SUPT3H: variants seen among roughly 807,000 people sequenced by gnomAD.
SUPT3H encodes SPT3 homolog, SAGA and STAGA complex component.
A neutral mutation model predicts 44.3 loss-of-function variants in SUPT3H; 44 were observed. The observed-to-expected ratio is 0.99, with a 90% CI of 0.78 to 1.28. The LOEUF (loss-of-function observed/expected upper bound fraction) is 1.28, where lower values mean the gene tolerates loss of function less well. Among genes scored for constraint, SUPT3H ranks in the 50% most tolerant of loss-of-function variants. SUPT3H has a pLI of 0.00. For missense variants in SUPT3H, 380 were observed against 387.1 expected, an observed-to-expected ratio of 0.98 and a Z score of 0.15; for synonymous variants, 124 against 125.6, an observed-to-expected ratio of 0.99 and a Z score of 0.09.
chr6:45,163,080 G>T (rs1809295028), intron 2 of SUPT3H, among the ~76,000 whole-genome samples: 1 of 152,130 alleles, frequency 6.6e-6, no homozygotes, highest in East Asian at 1.9e-4. Context: ...GAGAAGTGGG[G>T]AGATTACATA....
chr6:45,249,112 T>A (rs1356005652), intron 2 of SUPT3H, among the ~76,000 whole-genome samples: 1 of 152,020 alleles, frequency 6.6e-6, no homozygotes, highest in Non-Finnish European at 1.5e-5. Flanking sequence ...AAAAAAGGAG[T>A]TGAAGAATAG....
chr6:44,909,493 A>G (rs1230903346), intron 10 of SUPT3H, among the ~76,000 whole-genome samples: 1 of 152,182 alleles, frequency 6.6e-6, no homozygotes, highest in African/African-American at 2.4e-5. Flanking sequence ...TACATCTTTA[A>G]GCTCACACTT....
At chr6:44,990,060 A>G (rs971848477) in intron 6 of SUPT3H, among the ~76,000 whole-genome samples, 1 of 152,144 alleles carries the variant, frequency 6.6e-6, no homozygotes, top group Non-Finnish European at 1.5e-5. Context: ...TGATATCCAA[A>G]AAATCTTACC....
chr6:45,361,198 A>AT (rs1794195769), intron 2 of SUPT3H, among the ~76,000 whole-genome samples: 1 of 152,138 alleles, frequency 6.6e-6, no homozygotes, highest in African/African-American at 2.4e-5. Context: ...TCTGATTAAA[A>AT]TTTTTTTAAT....
At chr6:45,140,266 C>T (rs1459744080) in intron 2 of SUPT3H, among the ~76,000 whole-genome samples, 1 of 152,142 alleles carries the variant, frequency 6.6e-6, no homozygotes, top group Non-Finnish European at 1.5e-5. Context: ...ACGCCCCTAC[C>T]TGATGGTATT....
intron 2 of SUPT3H, among the ~76,000 whole-genome samples, chr6:45,360,525 A>C (rs1308323117): frequency 6.6e-6 from 1 of 152,180 alleles, no homozygotes; most frequent in African/African-American, 2.4e-5. Context: ...AAATTCAGAG[A>C]CTATACATAT....
intron 2 of SUPT3H, among the ~76,000 whole-genome samples, chr6:45,334,651 C>A (rs1054667460): frequency 6.6e-6 from 1 of 150,958 alleles, no homozygotes; most frequent in Non-Finnish European, 1.5e-5. Context: ...ACTTAAATTT[C>A]TTCTGGCTAT....
rs62438864 is a variant in SUPT3H, at chr6:45,074,050, G to C, written c.186+31872C>G. The stretch of plus-strand genomic sequence containing the variant: ...CAGAAAAGCAATTAAATTAAAGGAG[G>C]AAAGAGAATAAAAATGTTAACTCTA... On this transcript the variant is annotated intron_variant, in intron 3 of 10. Coordinates refer to ENST00000371459, the MANE Select transcript of SUPT3H (RefSeq NM_003599.4). 6.6e-5 allele frequency among the ~76,000 whole-genome samples: 10 copies of C among 151,780 alleles called. No homozygotes were observed. The South Asian group carries it at 2.1e-3, about 32-fold the overall frequency.
rs1462547793 is a variant in SUPT3H, at chr6:45,228,472, T to TAA, written c.102-122467_102-122466insTT. Among the ~76,000 whole-genome samples, 630 of 152,208 alleles carry TAA rather than the reference T, an allele frequency of 4.1e-3. 5 individuals are homozygous for TAA. The highest frequency in any genetic ancestry group is 0.015 in the African/African-American group (604 of 41,506). On this transcript the variant is annotated intron_variant, in intron 2 of 10. Transcript: ENST00000371459. Reference sequence around the variant, plus strand: ...ACCTGAAACATTGCCTTTTCCTGGTTATATAGGAGCTTCTAGCCTTCAGAT... The same window carrying TAA: ...ACCTGAAACATTGCCTTTTCCTGGTTAAATATAGGAGCTTCTAGCCTTCAGAT...
chr6:45,204,177 G>A (rs1337871905), intron 2 of SUPT3H, among the ~76,000 whole-genome samples: 4 of 151,610 alleles, frequency 2.6e-5, no homozygotes, highest in East Asian at 2.0e-4. Context: ...AACCCAGGAG[G>A]TGGAGGTTGC....
At chr6:45,043,144 C>CACACACACAG (rs1718829914) in intron 3 of SUPT3H, among the ~76,000 whole-genome samples, 1 of 138,902 alleles carries the variant, frequency 7.2e-6, no homozygotes, top group Admixed American at 7.0e-5. Context: ...TACACACATA[C>CACACACACAG]ACACACACAC....
intron 2 of SUPT3H, among the ~76,000 whole-genome samples, chr6:45,138,978 C>T (rs1804749525): frequency 6.6e-6 from 1 of 152,130 alleles, no homozygotes; most frequent in South Asian, 2.1e-4. Flanking sequence ...CCCCTAGTGA[C>T]TGACATGTTT....
chr6:44,935,170 T>C (rs1366550144), intron 9 of SUPT3H, among the ~76,000 whole-genome samples: 2 of 152,154 alleles, frequency 1.3e-5, no homozygotes, highest in Non-Finnish European at 2.9e-5. Flanking sequence ...TCCCAGTTTT[T>C]TTTTTTTCCA....
At chr6:44,836,871 A>G (rs1770011600) in intron 10 of SUPT3H, among the ~76,000 whole-genome samples, 1 of 152,188 alleles carries the variant, frequency 6.6e-6, no homozygotes, top group African/African-American at 2.4e-5. Flanking sequence ...ATGCACTTAC[A>G]TACATCTTTG....
At chr6:45,070,613 C>G (rs552634986) in intron 3 of SUPT3H, among the ~76,000 whole-genome samples, 7 of 151,800 alleles carry the variant, frequency 4.6e-5, no homozygotes, top group African/African-American at 1.5e-4. Flanking sequence ...TGGCAGCACG[C>G]GCCTGTAATC....
At chr6:45,001,173 C>A (rs1256367186) in intron 6 of SUPT3H, among the ~76,000 whole-genome samples, 1 of 152,002 alleles carries the variant, frequency 6.6e-6, no homozygotes, top group Non-Finnish European at 1.5e-5. Flanking sequence ...CTTAGACACA[C>A]CTGCCTTATT....
chr6:44,826,709 C>T (rs978754098), downstream of SUPT3H, among the ~76,000 whole-genome samples: 3 of 152,110 alleles, frequency 2.0e-5, no homozygotes, highest in Non-Finnish European at 4.4e-5. Context: ...ATAATTAATT[C>T]TAAACAAGTA....
chr6:45,315,135 A>G (rs956666906), intron 2 of SUPT3H, among the ~76,000 whole-genome samples: 9 of 152,160 alleles, frequency 5.9e-5, no homozygotes, highest in Non-Finnish European at 1.0e-4. Flanking sequence ...ACAAAAATCA[A>G]CTCAAGATGG....
At chr6:45,228,108 T>C (rs1771443465) in intron 2 of SUPT3H, among the ~76,000 whole-genome samples, 1 of 152,206 alleles carries the variant, frequency 6.6e-6, no homozygotes. Context: ...GCTCCTCAAG[T>C]GCAATCAGTA....
Sources: allele counts gnomAD v4.1 joint callset (sites outside exome capture counted in the v4.1 genomes callset), GRCh38; gene constraint gnomAD v4.1.1; transcripts MANE v1.5; gene names NCBI Gene and HGNC (gene_info 2026-07-23, HGNC 2026-07-21).